WDR38: variants seen among roughly 807,000 people sequenced by gnomAD.
The protein encoded by WDR38 is WD repeat domain 38.
In WDR38, 37 loss-of-function variants were observed where a neutral mutation model predicts 36.6. That is an observed-to-expected ratio of 1.01 (90% CI 0.78 to 1.33). WDR38 has a LOEUF of 1.33. WDR38 is among the 40% of genes most tolerant of loss of function. The pLI is 0.00. For missense variants in WDR38, 411 were observed against 414.6 expected, an observed-to-expected ratio of 0.99 and a Z score of 0.07; for synonymous variants, 164 against 168.1, an observed-to-expected ratio of 0.98 and a Z score of 0.19.
Position 124,856,598 on chromosome 9 carries a change from CTGGTAAG to C in WDR38, c.618+2_618+8del, listed in dbSNP as rs751291222. On this transcript the variant is annotated splice_donor_variant and splice_donor_5th_base_variant and coding_sequence_variant and intron_variant, in exon 6 of 9. Transcript: ENST00000373574. LOFTEE classifies it high-confidence loss of function. ...CCTGTGCTATTCAGCATCCGGCCTC[CTGGTAAG>C]TGGGGTGTCCTGGGTTCCAGGCTGG... The C allele has an allele frequency of 1.7e-5, 27 of 1,613,756 alleles. No homozygotes were observed. The Admixed American group carries it at 2.0e-4, about 12-fold the overall frequency.
intron 1 of WDR38, 98 bp from the exon 2 acceptor site, chr9:124,854,107 C>T (rs1828980936): frequency 1.3e-6 from 2 of 1,562,074 alleles, no homozygotes; most frequent in East Asian, 2.3e-5. Context: ...TGAAGTCAAG[C>T]TCCAACCCCA....
chr9:124,856,375 G>T, intron 5 of WDR38, 55 bp downstream of exon 5: 16 of 1,613,494 alleles, frequency 9.9e-6, no homozygotes, highest in Non-Finnish European at 1.4e-5. Flanking sequence ...CCCACTTGGA[G>T]CTGAGTGGTG....
Position 124,856,561 on chromosome 9 carries a change from C to A in WDR38, c.579C>A (p.Ala193=), listed in dbSNP as rs370393754. ...ACCAGGCGCTAGAGGGACACAGTGCCAACATCAGCTGCCTGTGCTATTCAG... is the reference window on the plus strand; with the variant it reads ...ACCAGGCGCTAGAGGGACACAGTGCAAACATCAGCTGCCTGTGCTATTCAG... ...VSHQALEGHS[A]NISCLCYSAS... Residue 193 remains alanine, a synonymous_variant, in exon 6 of 9, where the codon GCC becomes GCA. Coordinates refer to ENST00000373574, the MANE Select transcript of WDR38 (RefSeq NM_001045476.3). 27 of 1,613,420 alleles carry A rather than the reference C, an allele frequency of 1.7e-5. No homozygotes were observed. In the African/African-American group the frequency reaches 2.9e-4, roughly 18 times the overall value.
Position 124,856,192 on chromosome 9 carries a change from G to A in WDR38, c.406-48G>A, listed in dbSNP as rs572876741. On this transcript the variant is annotated intron_variant, in intron 4 of 8. Transcript: ENST00000373574. ...CCCTTTCCTGGACTGTCAAGGCCAG[G>A]TAGCCGGCTGCCCTCTGCTGCCTTC... is the stretch of plus-strand genomic sequence containing the variant. The A allele has an allele frequency of 1.9e-6, 3 of 1,612,630 alleles. 1 individual carries two copies. The highest frequency in any genetic ancestry group is 2.2e-5 in the South Asian group (2 of 91,058).
In WDR38 at chr9:124,855,718, T is replaced by C; in HGVS notation, c.275T>C (p.Val92Ala). The C allele has an allele frequency of 2.5e-6, 4 of 1,613,408 alleles. No homozygotes were observed. The highest frequency in any genetic ancestry group is 3.4e-6 in the Non-Finnish European group (4 of 1,180,034). The stretch of plus-strand genomic sequence containing the variant: ...GACTGCACTGTCCGCCTGTGGGATG[T>C]GGCAAGAGCGAAGTGTCTGCGGGTC... ...SCDCTVRLWD[V>A]ARAKCLRVLK... The change falls in exon 3 of 9, where the codon GTG (valine) becomes GCG (alanine). Residue 92 changes from valine to alanine, a missense_variant. Transcript: ENST00000373574.
intron 4 of WDR38, 84 bp from the exon 5 acceptor site, chr9:124,856,156 G>A: frequency 1.9e-6 from 3 of 1,591,472 alleles, no homozygotes; most frequent in Non-Finnish European, 2.6e-6. Context: ...CAGGCTTTTT[G>A]CACGAGGTCC....
At position 124,857,872 on chromosome 9, in the gene WDR38, A is replaced by C. The variant is rs777820931; in HGVS notation, c.*242A>C. ...CCACCCAATCAGTGGAAGTGCCAGG[A>C]AACAAAGCAGTCTCAGCCAGCTGTG... On this transcript the variant is annotated 3_prime_UTR_variant, in exon 9 of 9. Transcript: ENST00000373574. 6.2e-7 allele frequency: 1 copy of C among 1,602,816 alleles called. No individual in the cohort carries two copies. Among genetic ancestry groups the C allele is most frequent in the East Asian group, 2.2e-5 (1 of 44,648 alleles).
At position 124,857,653 on chromosome 9, in the gene WDR38, C is replaced by T. The variant is rs773577887; in HGVS notation, c.*23C>T. On this transcript the variant is annotated 3_prime_UTR_variant, in exon 9 of 9. Coordinates refer to ENST00000373574, the MANE Select transcript of WDR38 (RefSeq NM_001045476.3). ...TAACACCAACCACCTTAGATGGTGC[C>T]GACCTCACCCGCTCCCCTCAGTGGC... 17 of 1,612,740 alleles carry T rather than the reference C, an allele frequency of 1.1e-5. No homozygotes were observed. The highest frequency in any genetic ancestry group is 1.7e-5 in the Admixed American group (1 of 59,978).
intron 7 of WDR38, 47 bp downstream of exon 7, chr9:124,856,928 C>G (rs757199310): frequency 3.7e-6 from 6 of 1,608,592 alleles, no homozygotes; most frequent in Admixed American, 1.7e-5. Flanking sequence ...ATCCTCACCC[C>G]ACCAGGAGCC....
rs118113086 is a variant in WDR38, at chr9:124,855,883, G to A, written c.330G>A (p.Thr110=). The A allele has an allele frequency of 5.5e-3, 8,810 of 1,614,126 alleles. 442 individuals are homozygous for A. In the Admixed American group the frequency reaches 0.1, roughly 19 times the overall value. The change falls in exon 4 of 9, where the codon ACG becomes ACA. Residue 110 remains threonine (T), a synonymous_variant. Transcript: ENST00000373574. Reference sequence around the variant, plus strand: ...CAGGTCACCAACGGAGTGTGGAGACGGTCAGCTTCAGCCCTGACTCGAGAC... The same window carrying A: ...CAGGTCACCAACGGAGTGTGGAGACAGTCAGCTTCAGCCCTGACTCGAGAC... ...VLKGHQRSVE[T]VSFSPDSRQL...
Position 124,856,841 on chromosome 9 carries a change from C to T in WDR38, c.728C>T (p.Pro243Leu), listed in dbSNP as rs1256913726. 3.1e-6 allele frequency: 5 copies of T among 1,614,082 alleles called. No homozygotes were observed. In the African/African-American group the frequency reaches 5.3e-5, roughly 17 times the overall value. ...TGGGTGAAGAGCATAGCCTTCTCTC[C>T]CGACGAGCTGTGGCTGGCCAGCGCC... ...VTWVKSIAFSPDELWLASAGY... is the reference protein window; with the variant it reads ...VTWVKSIAFSLDELWLASAGY... Residue 243 changes from proline to leucine, a missense_variant, in exon 7 of 9, where the codon CCC becomes CTC. Physicochemically the swap from Pro to Leu is moderately conservative, Grantham distance 98 (BLOSUM62 -3). Transcript: ENST00000373574.
In WDR38 at chr9:124,856,852, TG is replaced by T. The variant is rs761200387; in HGVS notation, c.741del (p.Trp247CysfsTer25). 2 of 1,614,070 alleles carry T rather than the reference TG, an allele frequency of 1.2e-6. No homozygotes were observed. Among genetic ancestry groups the T allele is most frequent in the Non-Finnish European group, 1.7e-6 (2 of 1,180,046 alleles). On this transcript the variant is annotated frameshift_variant, in exon 7 of 9. Coordinates refer to ENST00000373574, the MANE Select transcript of WDR38 (RefSeq NM_001045476.3). LOFTEE classifies it high-confidence loss of function. ...KSIAFSPDEL[W>X]LASAGYSRMV... Reference sequence around the variant, plus strand: ...CATAGCCTTCTCTCCCGACGAGCTGTGGCTGGCCAGCGCCGGCTATTCCCGC... The same window carrying T: ...CATAGCCTTCTCTCCCGACGAGCTGTGCTGGCCAGCGCCGGCTATTCCCGC...
At chr9:124,856,985 A>T in intron 7 of WDR38, 104 bp downstream of exon 7, 1 of 1,532,140 alleles carries the variant, frequency 6.5e-7, no homozygotes, top group South Asian at 1.2e-5. Context: ...TGCCCTAGCT[A>T]GGAGGGGGCA....
intron 5 of WDR38, 37 bp downstream of exon 5, chr9:124,856,357 GC>G (rs1460028209): frequency 6.2e-7 from 1 of 1,613,610 alleles, no homozygotes; most frequent in Admixed American, 1.7e-5. Flanking sequence ...CACCTCAGTG[GC>G]CCCATACCCA....
At position 124,857,527 on chromosome 9, in the gene WDR38, G is replaced by A. The variant is rs751399069; in HGVS notation, c.842G>A (p.Cys281Tyr). 25 of 1,614,186 alleles carry A rather than the reference G, an allele frequency of 1.5e-5. No individual in the cohort carries two copies. Among genetic ancestry groups the A allele is most frequent in the Admixed American group, 3.3e-5 (2 of 60,024 alleles). The change falls in exon 9 of 9, where the codon TGT (cysteine) becomes TAT (tyrosine). Residue 281 changes from cysteine to tyrosine, a missense_variant. Transcript: ENST00000373574. ...GGAGTCCTGGATGTGGCCCACACCT[G>A]TGCCTTCACCCCAGATGGGAAAATC... The part of the protein sequence containing the change: ...LKGVLDVAHT[C>Y]AFTPDGKILV...
chr9:124,857,821 G>T lies in WDR38; in HGVS notation c.*191G>T. 1 of 1,547,480 alleles carries T rather than the reference G, an allele frequency of 6.5e-7. No individual in the cohort carries two copies. Reference sequence around the variant, plus strand: ...CTTGCTGGAACCCATCAGACACCTGGTCCCCAAAACCAGACCCACCCACCT... The same window carrying T: ...CTTGCTGGAACCCATCAGACACCTGTTCCCCAAAACCAGACCCACCCACCT... On this transcript the variant is annotated 3_prime_UTR_variant, in exon 9 of 9. Transcript: ENST00000373574.
chr9:124,853,576 A>G lies in WDR38; in HGVS notation c.45A>G (p.Lys15=). 7.9e-7 allele frequency: 1 copy of G among 1,267,274 alleles called. No individual in the cohort carries two copies. Among genetic ancestry groups the G allele is most frequent in the Non-Finnish European group, 1.0e-6 (1 of 999,050 alleles). The allele number at this position is 1,267,274 out of a possible 1,614,324, so 78.5% of individuals were successfully genotyped here. A position where few individuals can be genotyped will look rare whatever the true frequency, so the allele number is the denominator to read the frequency against. The change falls in exon 1 of 9, where the codon AAA becomes AAG. Residue 15 remains lysine (K), a synonymous_variant. Transcript: ENST00000373574. ...CCACGCTGGCCGTGCGGAGAGTGAA[A>G]TTCTTCGGCCAGCACGGCGGGGAGG... ...VPATLAVRRV[K]FFGQHGGEVN...
In WDR38 at chr9:124,855,708, C is replaced by T. The variant is rs1339629184; in HGVS notation, c.265C>T (p.Leu89=). 6.2e-7 allele frequency: 1 copy of T among 1,613,308 alleles called. No homozygotes were observed. Among genetic ancestry groups the T allele is most frequent in the African/African-American group, 1.3e-5 (1 of 74,938 alleles). Residue 89 remains leucine, a synonymous_variant, in exon 3 of 9, where the codon CTG becomes TTG. Coordinates refer to ENST00000373574, the MANE Select transcript of WDR38 (RefSeq NM_001045476.3). ...CGCCTCCTGTGACTGCACTGTCCGC[C>T]TGTGGGATGTGGCAAGAGCGAAGTG... ...ASASCDCTVR[L]WDVARAKCLR...
intron 1 of WDR38, 96 bp from the exon 2 acceptor site, chr9:124,854,109 C>G: frequency 6.4e-7 from 1 of 1,560,436 alleles, no homozygotes; most frequent in East Asian, 2.3e-5. Flanking sequence ...AAGTCAAGCT[C>G]CAACCCCAGG....
Sources: gnomAD v4.1 joint callset for allele counts on GRCh38, gnomAD v4.1.1 for gene constraint, MANE v1.5 for transcripts, NCBI Gene and HGNC (gene_info 2026-07-23, HGNC 2026-07-21) for gene names.